The following CHIC1 variants were observed in gnomAD, a reference collection of about 807,000 sequenced individuals.
The protein encoded by CHIC1 is cysteine rich hydrophobic domain 1.
In CHIC1, 7 loss-of-function variants were observed where a neutral mutation model predicts 18.5. The ratio of observed to expected loss-of-function variants is 0.38; its 90% CI spans 0.22 to 0.71. The LOEUF is 0.71. CHIC1 is among the 30% of genes least tolerant of loss of function. CHIC1 has a pLI of 0.49. For synonymous variants in CHIC1, 77 were observed against 73.5 expected (o/e 1.05, Z -0.25); for missense variants, 159 against 176.9 (o/e 0.90, Z 0.57).
At chrX:73,584,653 A>G in intron 3 of CHIC1, 81 bp downstream of exon 3, 1 of 705,197 alleles carries the variant, frequency 1.4e-6, no homozygotes. Flanking sequence ...ACTCTTTTCA[A>G]GTACTTTACA....
At chrX:73,600,758 G>A (rs1358994475) in intron 3 of CHIC1, among the ~76,000 whole-genome samples, 4 of 106,739 alleles carry the variant, frequency 3.7e-5, no homozygotes, top group Non-Finnish European at 5.7e-5. Flanking sequence ...GAGGATTTTT[G>A]CATCAATGTT....
At chrX:73,565,952 C>T (rs1270952515) in intron 1 of CHIC1, among the ~76,000 whole-genome samples, 1 of 110,567 alleles carries the variant, frequency 9.0e-6, no homozygotes, top group African/African-American at 3.3e-5. Context: ...GAGCCCTCAC[C>T]TCAAACTCAG....
At chrX:73,673,478 G>T (rs186635501) in intron 3 of CHIC1, among the ~76,000 whole-genome samples, 93 of 111,598 alleles carry the variant, frequency 8.3e-4, no homozygotes, top group African/African-American at 2.7e-3. Flanking sequence ...CTTGTAAGTT[G>T]GATTCCTAGG....
chrX:73,630,929 T>C (rs68088808), intron 3 of CHIC1, among the ~76,000 whole-genome samples: 5,306 of 111,767 alleles, frequency 0.047, 327 homozygotes, highest in African/African-American at 0.16. Context: ...CTTTTTTGTT[T>C]TGTTCATATT....
chrX:73,656,708 G>GT (rs1177793132), intron 3 of CHIC1, among the ~76,000 whole-genome samples: 5 of 112,079 alleles, frequency 4.5e-5, no homozygotes, highest in African/African-American at 1.6e-4. Context: ...CTGTAGCCTT[G>GT]TAGTATAGTT....
intron 3 of CHIC1, 50 bp downstream of exon 3, chrX:73,584,622 A>G (rs1400843638): frequency 2.1e-6 from 2 of 935,772 alleles, no homozygotes; most frequent in African/African-American, 3.9e-5. Flanking sequence ...ACATTTATGG[A>G]AAACTTACTA....
chrX:73,672,979 C>A (rs956484556), intron 3 of CHIC1, among the ~76,000 whole-genome samples: 14 of 111,960 alleles, frequency 1.3e-4, no homozygotes, highest in African/African-American at 4.6e-4. Context: ...CAGCTTTCTA[C>A]ATATGGCTAG....
At chrX:73,666,735 C>A (rs2058005990) in intron 3 of CHIC1, among the ~76,000 whole-genome samples, 1 of 112,205 alleles carries the variant, frequency 8.9e-6, no homozygotes, top group Admixed American at 9.4e-5. Flanking sequence ...ATTATGATTT[C>A]TGTTCTTTGC....
chrX:73,584,279 G>A (rs1003920886), intron 2 of CHIC1, 138 bp from the exon 3 acceptor site: 4 of 491,219 alleles, frequency 8.1e-6, no homozygotes, highest in South Asian at 6.3e-5. Flanking sequence ...CCTAGAGTGC[G>A]TGAACATATT....
chrX:73,665,950 G>A (rs761761739), intron 3 of CHIC1, among the ~76,000 whole-genome samples: 2 of 111,422 alleles, frequency 1.8e-5, no homozygotes, highest in Non-Finnish European at 3.8e-5. Context: ...TAACATGGTC[G>A]CCCCCTTGGA....
rs748517716 is a variant in CHIC1 at position 73,686,185 on chromosome X, T to C, written c.*5180T>C. On this transcript the variant is annotated 3_prime_UTR_variant, in exon 6 of 6. Transcript: ENST00000373502. The stretch of plus-strand genomic sequence containing the variant: ...GAAAAGAATAATGAAGGGATTCTTA[T>C]GGTGAAAATGTTGGGAACCACTTTT... 4.4e-4 allele frequency: 49 copies of C among 111,488 alleles called. No individual in the cohort carries two copies. The highest frequency in any genetic ancestry group is 1.5e-3 in the African/African-American group (46 of 30,830). The allele number at this position is 111,488 out of a possible 1,213,427, so 9.2% of individuals were successfully genotyped here.
chrX:73,586,781 T>C (rs914081041), intron 3 of CHIC1, among the ~76,000 whole-genome samples: 2 of 111,963 alleles, frequency 1.8e-5, no homozygotes, highest in Non-Finnish European at 3.8e-5. Context: ...TTACATCAAA[T>C]TGACTAGTCC....
rs982682107 is a variant in CHIC1 at position 73,683,576 on chromosome X, T to C, written c.*2571T>C. 8.9e-6 allele frequency: 1 copy of C among 111,860 alleles called. No individual in the cohort carries two copies. The highest frequency in any genetic ancestry group is 1.9e-5 in the Non-Finnish European group (1 of 52,915). The allele number at this position is 111,860 out of a possible 1,213,427, so 9.2% of individuals were successfully genotyped here. On this transcript the variant is annotated 3_prime_UTR_variant, in exon 6 of 6. Coordinates refer to ENST00000373502, the MANE Select transcript of CHIC1 (RefSeq NM_001039840.4). ...TTCCATTAGGTTAGTAACATACTTT[T>C]GTGAAAGTTGTTTTTAGACTGAAGA...
Position 73,603,517 on chromosome X carries a change from G to T in CHIC1, c.507+18945G>T, listed in dbSNP as rs1047367192. On this transcript the variant is annotated intron_variant, in intron 3 of 5. Coordinates refer to ENST00000373502, the MANE Select transcript of CHIC1 (RefSeq NM_001039840.4). ...TTTCTTCTCTTGCCTGATTGCCCTGGCCAGAATTTCCAATACTATGTTGAA... is the reference window on the plus strand; with the variant it reads ...TTTCTTCTCTTGCCTGATTGCCCTGTCCAGAATTTCCAATACTATGTTGAA... Among the ~76,000 whole-genome samples the T allele has an allele frequency of 1.9e-5, 2 of 107,824 alleles. 1 individual carries two copies. The highest frequency in any genetic ancestry group is 7.2e-5 in the African/African-American group (2 of 27,651). 93.6% of individuals were successfully genotyped at this position (107,824 alleles called of 115,157 possible).
chrX:73,672,039 G>A (rs746260910), intron 3 of CHIC1, among the ~76,000 whole-genome samples: 48 of 111,200 alleles, frequency 4.3e-4, no homozygotes, highest in African/African-American at 1.5e-3. Flanking sequence ...TTCTCCTTGC[G>A]ATAGTTTGCT....
Position 73,563,282 on chromosome X carries a change from G to C in CHIC1, c.-3G>C. On this transcript the variant is annotated 5_prime_UTR_variant, in exon 1 of 6. Coordinates refer to ENST00000373502, the MANE Select transcript of CHIC1 (RefSeq NM_001039840.4). ...AGCGTGGCGGCGATCGCGAGGTCAC[G>C]TGATGAGCATCCTGCTGCCCAACAT... The C allele has an allele frequency of 9.0e-7, 1 of 1,111,288 alleles. No homozygotes were observed. Among genetic ancestry groups the C allele is most frequent in the Non-Finnish European group, 1.2e-6 (1 of 842,693 alleles). 91.6% of individuals were successfully genotyped at this position (1,111,288 alleles called of 1,213,427 possible).
At chrX:73,620,447 T>C (rs766499858) in intron 3 of CHIC1, among the ~76,000 whole-genome samples, 5 of 112,542 alleles carry the variant, frequency 4.4e-5, no homozygotes, top group Admixed American at 3.7e-4. Context: ...TGCATTTCTC[T>C]AATGACCAGT....
At chrX:73,643,966 T>C (rs1198995699) in intron 3 of CHIC1, among the ~76,000 whole-genome samples, 1 of 111,959 alleles carries the variant, frequency 8.9e-6, no homozygotes, top group Non-Finnish European at 1.9e-5. Context: ...GTTTCCAGTT[T>C]TTCTGCTCTG....
intron 3 of CHIC1, among the ~76,000 whole-genome samples, chrX:73,675,037 G>A (rs2058054197): frequency 8.9e-6 from 1 of 111,889 alleles, no homozygotes; most frequent in Non-Finnish European, 1.9e-5. Flanking sequence ...CCATGTAGTT[G>A]AGCAGTTTTG....
Sources: gnomAD v4.1 joint callset for allele counts (sites outside exome capture counted in the v4.1 genomes callset) on GRCh38, gnomAD v4.1.1 for gene constraint, MANE v1.5 for transcripts, NCBI Gene and HGNC (gene_info 2026-07-23, HGNC 2026-07-21) for gene names.